The following ZPBP2 variants were observed in gnomAD, a reference collection of about 807,000 sequenced individuals.
ZPBP2 encodes the protein zona pellucida binding protein 2.
In ZPBP2, 34 loss-of-function variants were observed where a neutral mutation model predicts 37.5. The observed-to-expected ratio is 0.91, with a 90% CI of 0.69 to 1.21. The LOEUF (loss-of-function observed/expected upper bound fraction) is 1.21. Ranked by LOEUF, ZPBP2 falls within the 50% of genes most tolerant of loss-of-function variation. ZPBP2 has a pLI of 0.00. For missense variants in ZPBP2, 397 were observed against 413.5 expected (o/e 0.96, Z 0.35); for synonymous variants, 143 against 138.4 (o/e 1.03, Z -0.23).
In ZPBP2 at chr17:39,876,793, A is replaced by T. The variant is rs757980641; in HGVS notation, c.1001A>T (p.Gln334Leu). 6 of 1,613,790 alleles carry T rather than the reference A, an allele frequency of 3.7e-6. No individual in the cohort carries two copies. The South Asian group carries it at 6.6e-5, about 18-fold the overall frequency. The change falls in exon 8 of 8, where the codon CAG becomes CTG. Residue 334 changes from glutamine (Q) to leucine (L), a missense_variant. By Grantham distance (113) the Gln-to-Leu change is moderately radical. Transcript: ENST00000348931. Reference sequence around the variant, plus strand: ...TGCCCACAAACTTCAAACAAAAATCAGCAATATGAAGATTAGAGGTGAAAG... The same window carrying T: ...TGCCCACAAACTTCAAACAAAAATCTGCAATATGAAGATTAGAGGTGAAAG... ...KSCPQTSNKN[Q>L]QYED
rs376220320 is a variant in ZPBP2 at position 39,871,415 on chromosome 17, A to G, written c.245-49A>G. 2.2e-6 allele frequency: 3 copies of G among 1,350,550 alleles called. No individual in the cohort carries two copies. In the African/African-American group the frequency reaches 4.5e-5, roughly 20 times the overall value. 83.7% of individuals were successfully genotyped at this position (1,350,550 alleles called of 1,614,324 possible). On this transcript the variant is annotated intron_variant, in intron 3 of 7. Coordinates refer to ENST00000348931, the MANE Select transcript of ZPBP2 (RefSeq NM_199321.3). ...ATTTGTAACTCCAAGTGTACTAAAT[A>G]ATGCTTGATATGTTATATGTTAAAT...
At position 39,876,842 on chromosome 17, in the gene ZPBP2, C is replaced by G. The variant is rs555665031; in HGVS notation, c.*33C>G. Reference sequence around the variant, plus strand: ...AGCATTGTTACTTACTTGTGGAAGTCGGGGACATAAGATGATTTTCACATC... The same window carrying G: ...AGCATTGTTACTTACTTGTGGAAGTGGGGGACATAAGATGATTTTCACATC... On this transcript the variant is annotated 3_prime_UTR_variant, in exon 8 of 8. Transcript: ENST00000348931. The G allele has an allele frequency of 6.2e-7, 1 of 1,610,302 alleles. No homozygotes were observed. The highest frequency in any genetic ancestry group is 8.5e-7 in the Non-Finnish European group (1 of 1,177,842).
At chr17:39,872,100 T>C (rs2063367375) in intron 4 of ZPBP2, among the ~76,000 whole-genome samples, 170 bp from the exon 5 acceptor site, 1 of 152,184 alleles carries the variant, frequency 6.6e-6, no homozygotes, top group South Asian at 2.1e-4. Context: ...TTCATTAAAG[T>C]TAATAGTTTT....
intron 7 of ZPBP2, 106 bp from the exon 8 acceptor site, chr17:39,876,576 G>T (rs1436869474): frequency 7.8e-7 from 1 of 1,278,790 alleles, no homozygotes; most frequent in African/African-American, 1.5e-5. Context: ...TACTGAAATG[G>T]TATGATATTA....
intron 6 of ZPBP2, among the ~76,000 whole-genome samples, chr17:39,874,382 G>A (rs2063379863): frequency 6.6e-6 from 1 of 151,956 alleles, no homozygotes. Context: ...ATCTACATAT[G>A]GGATAGACAT....
chr17:39,868,354 G>A lies in ZPBP2; in HGVS notation c.-1G>A. 3 of 1,609,150 alleles carry A rather than the reference G, an allele frequency of 1.9e-6. No individual in the cohort carries two copies. Among genetic ancestry groups the A allele is most frequent in the Non-Finnish European group, 2.5e-6 (3 of 1,179,926 alleles). On this transcript the variant is annotated 5_prime_UTR_variant, in exon 1 of 8. Transcript: ENST00000348931. ...CCTCCTGCGACGCCAGCCCCTGAGC[G>A]ATGATGCGAACGTGCGTCCTACTCT...
chr17:39,870,951 T>C, intron 3 of ZPBP2, 132 bp downstream of exon 3: 1 of 852,140 alleles, frequency 1.2e-6, no homozygotes, highest in Non-Finnish European at 1.6e-6. Context: ...CTTAGAAAAA[T>C]CATGTTATAT....
In ZPBP2 at chr17:39,876,807, T is replaced by G; in HGVS notation, c.1015T>G (p.Ter339GluextTer2). The change falls in exon 8 of 8, where the codon TAG becomes GAG. Residue 339 changes from the stop codon to glutamate, a stop_lost. Transcript: ENST00000348931. Reference protein sequence around the residue: ...TSNKNQQYED* With the variant: ...TSNKNQQYEDE ...AAACAAAAATCAGCAATATGAAGAT[T>G]AGAGGTGAAAGCATTGTTACTTACT... 6.2e-7 allele frequency: 1 copy of G among 1,613,488 alleles called. No individual in the cohort carries two copies. The highest frequency in any genetic ancestry group is 8.5e-7 in the Non-Finnish European group (1 of 1,179,624).
At chr17:39,872,648 A>G (rs1330029893) in intron 5 of ZPBP2, among the ~76,000 whole-genome samples, 160 bp downstream of exon 5, 1 of 152,190 alleles carries the variant, frequency 6.6e-6, no homozygotes, top group Non-Finnish European at 1.5e-5. Flanking sequence ...TGGTTTTAAA[A>G]CTTAACACAC....
chr17:39,870,884 C>T lies in ZPBP2; in HGVS notation c.244+65C>T, dbSNP rs558346263. 3 of 1,268,728 alleles carry T rather than the reference C, an allele frequency of 2.4e-6. No homozygotes were observed. The South Asian group carries it at 6.9e-5, about 29-fold the overall frequency. 78.6% of individuals were successfully genotyped at this position (1,268,728 alleles called of 1,614,324 possible). ...ACATATTTTTAGAAAATCACTGTTACTTATTGGAAAGAACAAATTGAAATT... is the reference window on the plus strand; with the variant it reads ...ACATATTTTTAGAAAATCACTGTTATTTATTGGAAAGAACAAATTGAAATT... On this transcript the variant is annotated intron_variant, in intron 3 of 7. Coordinates refer to ENST00000348931, the MANE Select transcript of ZPBP2 (RefSeq NM_199321.3).
rs1228264901 is a variant in ZPBP2, at chr17:39,877,611, C to T, written c.*802C>T. 2 of 152,184 alleles carry T rather than the reference C, an allele frequency of 1.3e-5. No homozygotes were observed. The highest frequency in any genetic ancestry group is 1.3e-4 in the Admixed American group (2 of 15,276). 9.4% of individuals were successfully genotyped at this position (152,184 alleles called of 1,614,324 possible). ...ACTTATTTATCCCTCCCGCCGTGCCCTGGCAACCACTGATCTTTTTACTGT... is the reference window on the plus strand; with the variant it reads ...ACTTATTTATCCCTCCCGCCGTGCCTTGGCAACCACTGATCTTTTTACTGT... On this transcript the variant is annotated 3_prime_UTR_variant, in exon 8 of 8. Transcript: ENST00000348931.
rs1482255538 is a variant in ZPBP2, at chr17:39,877,365, T to G, written c.*556T>G. ...CCACTGCACCCCATACCCTCATTCC[T>G]CCTTACACAATTTCTCCTATTATTA... On this transcript the variant is annotated 3_prime_UTR_variant, in exon 8 of 8. Coordinates refer to ENST00000348931, the MANE Select transcript of ZPBP2 (RefSeq NM_199321.3). 1 of 152,210 alleles carries G rather than the reference T, an allele frequency of 6.6e-6. No homozygotes were observed. Among genetic ancestry groups the G allele is most frequent in the Non-Finnish European group, 1.5e-5 (1 of 68,056 alleles). The allele number at this position is 152,210 out of a possible 1,614,324, so 9.4% of individuals were successfully genotyped here. A position where few individuals can be genotyped will look rare whatever the true frequency, so the allele number is the denominator to read the frequency against.
In ZPBP2 at chr17:39,868,412, G is replaced by C. The variant is rs1411017280; in HGVS notation, c.52+6G>C. 4 of 1,610,674 alleles carry C rather than the reference G, an allele frequency of 2.5e-6. No homozygotes were observed. Among genetic ancestry groups the C allele is most frequent in the Non-Finnish European group, 2.5e-6 (3 of 1,179,950 alleles). On this transcript the variant is annotated splice_donor_region_variant and intron_variant, in intron 1 of 7. Transcript: ENST00000348931. ...GCTCTGGTGCCTCACAGGAGGTGGG[G>C]CTCCCTCCACCCGGTCCCCAGGCCT...
At chr17:39,873,981 CTTTT>C (rs1037217858) in intron 6 of ZPBP2, among the ~76,000 whole-genome samples, 2 of 117,336 alleles carry the variant, frequency 1.7e-5, no homozygotes, top group African/African-American at 3.3e-5. Flanking sequence ...AAAGAAAAGT[CTTTT>C]TTTTTTTTTT....
intron 7 of ZPBP2, 108 bp downstream of exon 7, chr17:39,875,542 C>CAA: frequency 1.2e-6 from 1 of 828,666 alleles, no homozygotes; most frequent in Non-Finnish European, 1.7e-6. Context: ...ATTCTCTTAC[C>CAA]AAAAAATATA....
intron 2 of ZPBP2, among the ~76,000 whole-genome samples, chr17:39,869,405 C>CTTTTTTTTTTTTTTTT (rs1555647285): frequency 8.7e-6 from 1 of 115,136 alleles, no homozygotes; most frequent in African/African-American, 3.3e-5. Flanking sequence ...TTCCTTCCTT[C>CTTTTTTTTTTTTTTTT]TTTTTTTTTT....
chr17:39,875,219 T>A (rs773171571), intron 6 of ZPBP2, 35 bp from the exon 7 acceptor site: 1 of 1,588,582 alleles, frequency 6.3e-7, no homozygotes, highest in Non-Finnish European at 8.6e-7. Context: ...CATGGTTTAG[T>A]AATTGTACCT....
rs1013990266 is a variant in ZPBP2 at position 39,875,515 on chromosome 17, A to G, written c.889+81A>G. 16 of 1,064,550 alleles carry G rather than the reference A, an allele frequency of 1.5e-5. No homozygotes were observed. In the African/African-American group the frequency reaches 1.9e-4, roughly 13 times the overall value. The allele number at this position is 1,064,550 out of a possible 1,614,324, so 65.9% of individuals were successfully genotyped here. A position where few individuals can be genotyped will look rare whatever the true frequency, so the allele number is the denominator to read the frequency against. ...TAAGTAATTCACTTGGCATAACTGA[A>G]TAGAATCTTTACAGTGATTCTCTTA... On this transcript the variant is annotated intron_variant, in intron 7 of 7. Coordinates refer to ENST00000348931, the MANE Select transcript of ZPBP2 (RefSeq NM_199321.3).
At position 39,872,250 on chromosome 17, in the gene ZPBP2, TC is replaced by T; in HGVS notation, c.407-19del. ...CTAGGTACGATTGTTTTCACTCTCA[TC>T]TTTCTTTTTTTTTTAAAGCCTATCG... On this transcript the variant is annotated intron_variant, in intron 4 of 7. Transcript: ENST00000348931. The T allele has an allele frequency of 6.4e-7, 1 of 1,557,244 alleles. No individual in the cohort carries two copies. Among genetic ancestry groups the T allele is most frequent in the Non-Finnish European group, 8.7e-7 (1 of 1,154,120 alleles).
Sources: gnomAD v4.1 joint callset for allele counts (sites outside exome capture counted in the v4.1 genomes callset) on GRCh38, gnomAD v4.1.1 for gene constraint, MANE v1.5 for transcripts, NCBI Gene and HGNC (gene_info 2026-07-23, HGNC 2026-07-21) for gene names.